The following CNTNAP2 variants were observed in gnomAD, a reference collection of about 807,000 sequenced individuals.
The protein encoded by CNTNAP2 is contactin-associated protein-like 2.
A neutral mutation model predicts 155.2 loss-of-function variants in CNTNAP2; 98 were observed. That is an observed-to-expected ratio of 0.63 (90% CI 0.54 to 0.75). The LOEUF (loss-of-function observed/expected upper bound fraction) is 0.75, where lower values mean the gene tolerates loss of function less well. Ranked by LOEUF, CNTNAP2 falls within the 30% of genes least tolerant of loss-of-function variation. CNTNAP2 has a pLI of 0.00. For missense variants in CNTNAP2, 1,727 were observed against 1,688.1 expected (o/e 1.02, Z -0.40); for synonymous variants, 651 against 631.2 (o/e 1.03, Z -0.47).
At chr7:147,511,114 CA>C (rs1321594588) in intron 11 of CNTNAP2, among the ~76,000 whole-genome samples, 2 of 151,756 alleles carry the variant, frequency 1.3e-5, no homozygotes, top group African/African-American at 4.8e-5. Context: ...CATTATTTCC[CA>C]CTGTTCTGAA....
intron 1 of CNTNAP2, among the ~76,000 whole-genome samples, chr7:146,326,917 G>A (rs1026889668): frequency 9.9e-5 from 15 of 152,146 alleles, no homozygotes; most frequent in Middle Eastern, 6.8e-3. Context: ...CAATTATGTC[G>A]AAGAAAATAT....
chr7:147,445,316 A>G (rs1797714953), intron 10 of CNTNAP2, among the ~76,000 whole-genome samples: 1 of 152,202 alleles, frequency 6.6e-6, no homozygotes, highest in Non-Finnish European at 1.5e-5. Context: ...AATATTTCCT[A>G]TGAAACAGTG....
intron 14 of CNTNAP2, among the ~76,000 whole-genome samples, chr7:147,929,395 A>G (rs1179100312): frequency 2.0e-5 from 3 of 152,124 alleles, no homozygotes; most frequent in Admixed American, 6.5e-5. Context: ...TGTAGATACC[A>G]TCTAACGCTG....
intron 10 of CNTNAP2, among the ~76,000 whole-genome samples, chr7:147,441,592 C>T (rs1450481657): frequency 6.6e-6 from 1 of 152,002 alleles, no homozygotes; most frequent in Non-Finnish European, 1.5e-5. Context: ...CTTGTTTGTA[C>T]CCGTCCTTCT....
chr7:146,386,942 G>T (rs902894426), intron 1 of CNTNAP2, among the ~76,000 whole-genome samples: 3 of 152,070 alleles, frequency 2.0e-5, no homozygotes, highest in Non-Finnish European at 1.5e-5. Context: ...CTGGACTCAA[G>T]TTCTTGTTTG....
At chr7:146,146,518 T>C (rs1284156696) in intron 1 of CNTNAP2, among the ~76,000 whole-genome samples, 3 of 152,158 alleles carry the variant, frequency 2.0e-5, no homozygotes, top group African/African-American at 7.2e-5. Flanking sequence ...TTATTTGCCT[T>C]GAAGTTATTT....
At chr7:147,517,150 G>A (rs978455065) in intron 11 of CNTNAP2, among the ~76,000 whole-genome samples, 5 of 151,880 alleles carry the variant, frequency 3.3e-5, no homozygotes, top group Admixed American at 6.6e-5. Flanking sequence ...GATTACAGGC[G>A]TCAGCCACCA....
In CNTNAP2 at chr7:147,801,315, T is replaced by TG. The variant is rs1487055737; in HGVS notation, c.2099-102250_2099-102249insG. Among the ~76,000 whole-genome samples the TG allele has an allele frequency of 5.3e-5, 8 of 151,034 alleles. No homozygotes were observed. In the South Asian group the frequency reaches 1.3e-3, roughly 24 times the overall value. On this transcript the variant is annotated intron_variant, in intron 13 of 23. Transcript: ENST00000361727. ...CTTTGGCAACTTCTATGAAGTTTTT[T>TG]TTTTTTTTTTAATTTTTTTTTTTTT...
chr7:147,954,005 C>G (rs935234951), intron 14 of CNTNAP2, among the ~76,000 whole-genome samples: 2 of 151,988 alleles, frequency 1.3e-5, no homozygotes, highest in Non-Finnish European at 2.9e-5. Context: ...TTCTACCCAC[C>G]ACAGAAGCTA....
At chr7:147,772,492 A>ACAC (rs1491541758) in intron 13 of CNTNAP2, among the ~76,000 whole-genome samples, 4 of 124,016 alleles carry the variant, frequency 3.2e-5, no homozygotes, top group African/African-American at 1.2e-4. Flanking sequence ...ATACACACAC[A>ACAC]AAAAAAAAAC....
chr7:146,800,681 C>T (rs1257989143), intron 2 of CNTNAP2, among the ~76,000 whole-genome samples: 1 of 152,116 alleles, frequency 6.6e-6, no homozygotes, highest in Admixed American at 6.5e-5. Flanking sequence ...CAGGGGTGAA[C>T]AGTACCTGGA....
At chr7:148,133,263 A>T (rs1270865335) in intron 16 of CNTNAP2, among the ~76,000 whole-genome samples, 1 of 152,060 alleles carries the variant, frequency 6.6e-6, no homozygotes, top group Non-Finnish European at 1.5e-5. Context: ...CGAGATCTAG[A>T]CCAGCCTGGC....
intron 1 of CNTNAP2, among the ~76,000 whole-genome samples, chr7:146,755,920 T>TA (rs1341609927): frequency 1.3e-5 from 2 of 151,942 alleles, no homozygotes; most frequent in East Asian, 3.9e-4. Context: ...GTCCATTTTC[T>TA]AAAATAGAAT....
rs116044645 is a variant in CNTNAP2 at position 148,204,104 on chromosome 7, A to G, written c.3011-13184A>G. Among the ~76,000 whole-genome samples, 649 of 152,336 alleles carry G rather than the reference A, an allele frequency of 4.3e-3. 7 individuals are homozygous for G. The highest frequency in any genetic ancestry group is 0.015 in the African/African-American group (623 of 41,576). On this transcript the variant is annotated intron_variant, in intron 18 of 23. Coordinates refer to ENST00000361727, the MANE Select transcript of CNTNAP2 (RefSeq NM_014141.6). ...TGCTTCCTGTATTTGCGCCCCATTCAAGGAAGCAACTCTAGAGAATTTCTT... is the reference window on the plus strand; with the variant it reads ...TGCTTCCTGTATTTGCGCCCCATTCGAGGAAGCAACTCTAGAGAATTTCTT...
chr7:146,766,218 G>A lies in CNTNAP2; in HGVS notation c.98-8053G>A, dbSNP rs149788500. Among the ~76,000 whole-genome samples the A allele has an allele frequency of 2.8e-3, 423 of 152,236 alleles. 4 individuals are homozygous for A. Among genetic ancestry groups the A allele is most frequent in the South Asian group, 7.0e-3 (34 of 4,826 alleles). ...AATGAATAAATGAAATAAAGTTGAT[G>A]TCTTTTGCTGAGGCTATTCAATGTA... On this transcript the variant is annotated intron_variant, in intron 1 of 23. Coordinates refer to ENST00000361727, the MANE Select transcript of CNTNAP2 (RefSeq NM_014141.6).
At chr7:146,684,930 G>A (rs994525106) in intron 1 of CNTNAP2, among the ~76,000 whole-genome samples, 43 of 152,218 alleles carry the variant, frequency 2.8e-4, no homozygotes, top group African/African-American at 1.0e-3. Flanking sequence ...ATTAAATAAT[G>A]TAAGCTAAAG....
In CNTNAP2 at chr7:147,443,265, G is replaced by A. The variant is rs369044748; in HGVS notation, c.1671-42670G>A. Among the ~76,000 whole-genome samples the A allele has an allele frequency of 3.4e-4, 51 of 152,120 alleles. 1 individual carries two copies. The highest frequency in any genetic ancestry group is 8.0e-4 in the African/African-American group (33 of 41,428). ...GGTCCCTCCATGGGTGGGTGTCAGC[G>A]GAGTTTGATCTGGTTTTCCTTTCTG... On this transcript the variant is annotated intron_variant, in intron 10 of 23. Transcript: ENST00000361727.
intron 3 of CNTNAP2, among the ~76,000 whole-genome samples, chr7:146,984,367 CA>C (rs34062629): frequency 0.062 from 5,810 of 94,052 alleles, 208 homozygotes; most frequent in East Asian, 0.21. Context: ...AACCCCATCT[CA>C]AAAAAAAAAA....
rs149906834 is a variant in CNTNAP2 at position 147,494,787 on chromosome 7, C to G, written c.1777+8746C>G. Reference sequence around the variant, plus strand: ...AACGGAGCTTCAGGAAGGTTAATATCTGCTCAGAAAACAGGAAAGAGAATT... The same window carrying G: ...AACGGAGCTTCAGGAAGGTTAATATGTGCTCAGAAAACAGGAAAGAGAATT... On this transcript the variant is annotated intron_variant, in intron 11 of 23. Transcript: ENST00000361727. 4.9e-4 allele frequency among the ~76,000 whole-genome samples: 74 copies of G among 152,280 alleles called. 1 individual carries two copies. The East Asian group carries it at 0.013, about 26-fold the overall frequency.
Sources: gnomAD v4.1 joint callset for allele counts (sites outside exome capture counted in the v4.1 genomes callset) on GRCh38, gnomAD v4.1.1 for gene constraint, MANE v1.5 for transcripts, NCBI Gene and HGNC (gene_info 2026-07-23, HGNC 2026-07-21) for gene names.